MYO16: variants seen among roughly 807,000 people sequenced by gnomAD.
MYO16 encodes unconventional myosin-XVI.
MYO16 carries 94 observed loss-of-function variants against 205.3 expected under a neutral mutation model. The observed-to-expected ratio is 0.46, with a 90% CI of 0.39 to 0.54. The LOEUF is 0.54. Among genes scored for constraint, MYO16 ranks in the 20% least tolerant of loss-of-function variants. The pLI, the probability that MYO16 is intolerant of heterozygous loss-of-function variation, is 0.00. For missense variants in MYO16, 2,315 were observed against 2,387.5 expected (o/e 0.97, Z 0.63); for synonymous variants, 988 against 954.0 (o/e 1.04, Z -0.66).
chr13:108,851,989 A>G (rs1160732944), intron 10 of MYO16, among the ~76,000 whole-genome samples: 1 of 151,796 alleles, frequency 6.6e-6, no homozygotes, highest in African/African-American at 2.4e-5. Context: ...CCACACACCC[A>G]TCTCCTCCCG....
chr13:108,833,999 A>C (rs1876764977), intron 9 of MYO16, among the ~76,000 whole-genome samples: 1 of 152,174 alleles, frequency 6.6e-6, no homozygotes, highest in Non-Finnish European at 1.5e-5. Flanking sequence ...TCATAATCAG[A>C]ATAACAATTT....
chr13:109,007,845 A>G (rs1885451496), intron 21 of MYO16, among the ~76,000 whole-genome samples: 1 of 152,174 alleles, frequency 6.6e-6, no homozygotes, highest in Non-Finnish European at 1.5e-5. Flanking sequence ...ACTGTTGATT[A>G]CTATTTCTGA....
At chr13:108,921,259 G>A (rs930715095) in intron 16 of MYO16, among the ~76,000 whole-genome samples, 1 of 152,172 alleles carries the variant, frequency 6.6e-6, no homozygotes, top group Admixed American at 6.5e-5. Flanking sequence ...TGGGTCTGGA[G>A]TGACCACCTC....
At chr13:108,533,052 CT>C in the MYO16 span, among the ~76,000 whole-genome samples, 1 of 152,106 alleles carries the variant, frequency 6.6e-6, no homozygotes, top group Non-Finnish European at 1.5e-5. Flanking sequence ...GGATTCCCAT[CT>C]GATGACTTCT....
intron 31 of MYO16, among the ~76,000 whole-genome samples, chr13:109,130,096 G>T (rs1428755077): frequency 6.6e-6 from 1 of 151,436 alleles, no homozygotes; most frequent in Non-Finnish European, 1.5e-5. Context: ...AAAGCAAAGT[G>T]ACCCCAAAAA....
At chr13:109,057,910 G>A (rs1263809493) in intron 27 of MYO16, among the ~76,000 whole-genome samples, 2 of 151,976 alleles carry the variant, frequency 1.3e-5, no homozygotes, top group African/African-American at 4.8e-5. Context: ...TGATCCGCGG[G>A]GGCCTCAGAG....
chr13:108,543,644 GAA>G, the MYO16 span, among the ~76,000 whole-genome samples: 7,402 of 77,490 alleles, frequency 0.096, 332 homozygotes, highest in African/African-American at 0.19. Context: ...TCCCTCTCAA[GAA>G]AAAAAAAAAA....
intron 5 of MYO16, 92 bp downstream of exon 5, chr13:108,785,835 G>C: frequency 1.2e-6 from 1 of 822,920 alleles, no homozygotes; most frequent in Non-Finnish European, 1.9e-6. Flanking sequence ...CATGATTTCC[G>C]ATGGATGTAG....
chr13:109,102,450 A>G (rs1888999031), intron 28 of MYO16, among the ~76,000 whole-genome samples: 1 of 151,610 alleles, frequency 6.6e-6, no homozygotes, highest in African/African-American at 2.4e-5. Flanking sequence ...GACTACTTAC[A>G]GATAATGATA....
At chr13:108,841,483 T>C (rs1594335792) in intron 9 of MYO16, among the ~76,000 whole-genome samples, 1 of 152,166 alleles carries the variant, frequency 6.6e-6, no homozygotes, top group Non-Finnish European at 1.5e-5. Flanking sequence ...CCAGGAGAAA[T>C]TTTTGGTAAC....
At chr13:108,848,602 A>G (rs1386052677) in intron 10 of MYO16, among the ~76,000 whole-genome samples, 1 of 152,050 alleles carries the variant, frequency 6.6e-6, no homozygotes, top group Non-Finnish European at 1.5e-5. Flanking sequence ...GCAGTTCAAG[A>G]CCAGCCCGGC....
intron 33 of MYO16, among the ~76,000 whole-genome samples, chr13:109,174,671 A>G (rs1879079796): frequency 6.6e-6 from 1 of 152,056 alleles, no homozygotes; most frequent in African/African-American, 2.4e-5. Flanking sequence ...GATTTGACTA[A>G]TAGATTCTAA....
intron 1 of MYO16, among the ~76,000 whole-genome samples, chr13:108,638,850 A>T (rs973333730): frequency 1.3e-5 from 2 of 152,168 alleles, no homozygotes; most frequent in Non-Finnish European, 2.9e-5. Flanking sequence ...TTCCATGAGG[A>T]AGGTGTGTGC....
At chr13:109,054,611 T>C (rs141946017) in intron 25 of MYO16, among the ~76,000 whole-genome samples, 26 of 152,208 alleles carry the variant, frequency 1.7e-4, no homozygotes, top group African/African-American at 6.3e-4. Context: ...CACACTAAAA[T>C]GAGTGCAGGA....
At chr13:108,551,029 C>T in the MYO16 span, among the ~76,000 whole-genome samples, 5 of 152,052 alleles carry the variant, frequency 3.3e-5, no homozygotes, top group Admixed American at 6.6e-5. Flanking sequence ...TTTATGATAC[C>T]GAAACAACAT....
chr13:108,681,417 G>T (rs1297483750), intron 2 of MYO16, among the ~76,000 whole-genome samples: 1 of 152,074 alleles, frequency 6.6e-6, no homozygotes, highest in African/African-American at 2.4e-5. Context: ...TTCCAATGTT[G>T]TTTCAGCTCT....
At chr13:109,078,777 A>ATCT (rs1888194354) in intron 27 of MYO16, among the ~76,000 whole-genome samples, 1 of 152,184 alleles carries the variant, frequency 6.6e-6, no homozygotes, top group East Asian at 1.9e-4. Flanking sequence ...GGCCAATTAT[A>ATCT]TCTTAGTACT....
intron 16 of MYO16, among the ~76,000 whole-genome samples, chr13:108,914,121 T>A (rs112466599): frequency 1.3e-5 from 2 of 149,590 alleles, no homozygotes; most frequent in African/African-American, 4.9e-5. Flanking sequence ...GTATTTACTA[T>A]TGTTAATATA....
At chr13:109,144,016 T>A (rs901050369) in intron 32 of MYO16, among the ~76,000 whole-genome samples, 4 of 136,814 alleles carry the variant, frequency 2.9e-5, no homozygotes, top group African/African-American at 1.1e-4. Context: ...TTGAGAAGTG[T>A]ATAATAATTC....
Sources: gnomAD v4.1 joint callset for allele counts (sites outside exome capture counted in the v4.1 genomes callset) on GRCh38, gnomAD v4.1.1 for gene constraint, MANE v1.5 for transcripts, NCBI Gene and HGNC (gene_info 2026-07-23, HGNC 2026-07-21) for gene names.